The following CRPPA variants were observed in gnomAD, a reference collection of about 807,000 sequenced individuals.
CRPPA encodes the protein CDP-L-ribitol pyrophosphorylase A, also known as D-ribitol-5-phosphate cytidylyltransferase.
Under a neutral mutation model 52.0 loss-of-function variants are expected in CRPPA, and 43 were observed. That is an observed-to-expected ratio of 0.83 (90% confidence interval 0.65 to 1.07). The LOEUF is 1.07. CRPPA is among the 50% of genes least tolerant of loss of function. The probability of loss-of-function intolerance (pLI) is 0.00; values close to 1 mark genes in which losing one functional copy is unlikely to be tolerated. For missense variants in CRPPA, 629 were observed against 551.7 expected, an observed-to-expected ratio of 1.14 and a Z score of -1.40; for synonymous variants, 250 against 203.5, an observed-to-expected ratio of 1.23 and a Z score of -1.94.
chr7:16,118,279 C>A (rs993211065), intron 9 of CRPPA, among the ~76,000 whole-genome samples: 1 of 152,148 alleles, frequency 6.6e-6, no homozygotes, highest in Non-Finnish European at 1.5e-5. Context: ...CAAGATGGGG[C>A]CGACTTGTGT....
intron 3 of CRPPA, among the ~76,000 whole-genome samples, chr7:16,338,813 CTT>C (rs59732453): frequency 0.43 from 50,090 of 117,008 alleles, 8,535 homozygotes; most frequent in Admixed American, 0.47. Flanking sequence ...TTCTAGCAAA[CTT>C]TTTTTTTTTT....
At chr7:16,171,113 C>T (rs927911217) in intron 9 of CRPPA, among the ~76,000 whole-genome samples, 4 of 152,288 alleles carry the variant, frequency 2.6e-5, no homozygotes, top group Admixed American at 6.5e-5. Flanking sequence ...GCTGCCAGCA[C>T]GTTGTTATCT....
At chr7:16,326,403 G>C (rs1254540582) in intron 3 of CRPPA, among the ~76,000 whole-genome samples, 5 of 152,142 alleles carry the variant, frequency 3.3e-5, no homozygotes, top group African/African-American at 1.2e-4. Flanking sequence ...TCTTAAAGTA[G>C]ATGTCATGGA....
Position 16,258,928 on chromosome 7 carries a change from A to C in CRPPA, c.1018T>G (p.Cys340Gly). The C allele has an allele frequency of 6.2e-7, 1 of 1,607,542 alleles. No individual in the cohort carries two copies. Among genetic ancestry groups the C allele is most frequent in the Non-Finnish European group, 8.5e-7 (1 of 1,176,320 alleles). The change falls in exon 7 of 10, where the codon TGT becomes GGT. Residue 340 changes from cysteine to glycine, a missense_variant. Cys to Gly is a radical substitution (Grantham distance 159). Coordinates refer to ENST00000407010, the MANE Select transcript of CRPPA (RefSeq NM_001101426.4). The stretch of plus-strand genomic sequence containing the variant: ...CATTTGAATTGACTTACATTCACAC[A>C]AACAAAATTGTAGCATTGATCTAAG... ...IILDQCYNFVCVNVTTSDFQE... is the reference protein window; with the variant it reads ...IILDQCYNFVGVNVTTSDFQE...
At chr7:16,359,620 T>C (rs1413090222) in intron 3 of CRPPA, among the ~76,000 whole-genome samples, 2 of 152,234 alleles carry the variant, frequency 1.3e-5, no homozygotes, top group Non-Finnish European at 2.9e-5. Context: ...AAGATTACGA[T>C]ATGCCTTTCA....
At position 16,216,077 on chromosome 7, in the gene CRPPA, A is replaced by C; in HGVS notation, c.1240T>G (p.Ser414Ala). Residue 414 changes from serine to alanine, a missense_variant, in exon 9 of 10, where the codon TCT becomes GCT. Ser to Ala is a moderately conservative substitution (Grantham distance 99). Transcript: ENST00000407010. ...AACATTTTACCTACCTGTGGGTAAG[A>C]TATGAGAAGCCCATATAACAAAATA... is the stretch of plus-strand genomic sequence containing the variant. The part of the protein sequence containing the change: ...RNILLYGLLI[S>A]YPQDDQKLQE... The C allele has an allele frequency of 1.9e-6, 3 of 1,593,198 alleles. No homozygotes were observed. Among genetic ancestry groups the C allele is most frequent in the Non-Finnish European group, 2.6e-6 (3 of 1,170,226 alleles).
intron 3 of CRPPA, among the ~76,000 whole-genome samples, chr7:16,372,024 T>A (rs1029354428): frequency 3.3e-5 from 5 of 152,006 alleles, no homozygotes; most frequent in South Asian, 2.1e-4. Context: ...AAAAAAATTT[T>A]AAAAAAAGAA....
intron 8 of CRPPA, among the ~76,000 whole-genome samples, chr7:16,257,114 T>C (rs1223135540): frequency 6.6e-6 from 1 of 152,010 alleles, no homozygotes; most frequent in Non-Finnish European, 1.5e-5. Flanking sequence ...TATAACAACT[T>C]AAGAAGTAGA....
chr7:16,255,623 C>G (rs955115880), intron 8 of CRPPA, among the ~76,000 whole-genome samples: 1 of 152,084 alleles, frequency 6.6e-6, no homozygotes, highest in Admixed American at 6.6e-5. Flanking sequence ...GAACAGAGAC[C>G]TCAGAAATAA....
At chr7:16,397,449 A>G (rs73682122) in intron 2 of CRPPA, among the ~76,000 whole-genome samples, 4,425 of 152,334 alleles carry the variant, frequency 0.029, 229 homozygotes, top group African/African-American at 0.1. Context: ...GATGTAACAG[A>G]CGTGACACGT....
chr7:16,368,416 G>A (rs1786664839), intron 3 of CRPPA, among the ~76,000 whole-genome samples: 1 of 152,130 alleles, frequency 6.6e-6, no homozygotes, highest in Admixed American at 6.5e-5. Context: ...CTAGTTACAT[G>A]GAAAAGCCCA....
At chr7:16,133,980 G>C (rs1289946335) in intron 9 of CRPPA, among the ~76,000 whole-genome samples, 1 of 123,314 alleles carries the variant, frequency 8.1e-6, no homozygotes, top group African/African-American at 2.6e-5. Flanking sequence ...TGCCCAGGCT[G>C]GAGTGCAGTG....
At chr7:16,255,418 C>T (rs147195562) in intron 8 of CRPPA, among the ~76,000 whole-genome samples, 3,243 of 152,226 alleles carry the variant, frequency 0.021, 135 homozygotes, top group East Asian at 0.19. Context: ...CAATGACTTT[C>T]TTCACAGAAT....
chr7:16,329,834 A>T (rs1439227886), intron 3 of CRPPA, among the ~76,000 whole-genome samples: 1 of 152,204 alleles, frequency 6.6e-6, no homozygotes, highest in African/African-American at 2.4e-5. Context: ...CATAAAAAGG[A>T]AAAGAATAGA....
intron 3 of CRPPA, among the ~76,000 whole-genome samples, chr7:16,338,404 T>C (rs775990181): frequency 6.6e-6 from 1 of 152,182 alleles, no homozygotes; most frequent in Non-Finnish European, 1.5e-5. Flanking sequence ...AGGCTATATA[T>C]TACAAGCCAA....
chr7:16,170,364 C>T (rs1474220649), intron 9 of CRPPA, among the ~76,000 whole-genome samples: 3 of 152,150 alleles, frequency 2.0e-5, no homozygotes, highest in South Asian at 4.1e-4. Flanking sequence ...CAGACCCTCG[C>T]GGTGAGTGTT....
At chr7:16,144,747 C>T (rs933726046) in intron 9 of CRPPA, among the ~76,000 whole-genome samples, 1 of 152,150 alleles carries the variant, frequency 6.6e-6, no homozygotes, top group Non-Finnish European at 1.5e-5. Context: ...GCGAGCGGGG[C>T]TGGCTGATGG....
At chr7:16,139,829 T>C (rs889543910) in intron 9 of CRPPA, among the ~76,000 whole-genome samples, 1 of 152,184 alleles carries the variant, frequency 6.6e-6, no homozygotes, top group Admixed American at 6.5e-5. Context: ...CCAACATAGA[T>C]ACTTTATTTC....
At chr7:16,230,048 T>C (rs1301956846) in intron 8 of CRPPA, among the ~76,000 whole-genome samples, 1 of 152,168 alleles carries the variant, frequency 6.6e-6, no homozygotes, top group Non-Finnish European at 1.5e-5. Flanking sequence ...GCTTCCTTTC[T>C]CTTGCTGCTT....
Sources: gnomAD v4.1 joint callset for allele counts (sites outside exome capture counted in the v4.1 genomes callset) on GRCh38, gnomAD v4.1.1 for gene constraint, MANE v1.5 for transcripts, NCBI Gene and HGNC (gene_info 2026-07-23, HGNC 2026-07-21) for gene names.